The following DNAH9 variants were observed in gnomAD, a reference collection of about 807,000 sequenced individuals.
DNAH9 encodes DNAH9 variant protein.
Under a neutral mutation model 471.6 loss-of-function variants are expected in DNAH9, and 345 were observed. That is an observed-to-expected ratio of 0.73 (90% CI 0.67 to 0.80). The LOEUF is 0.80. DNAH9 is among the 30% of genes least tolerant of loss of function. DNAH9 has a pLI of 0.00. For missense variants in DNAH9, 5,407 were observed against 5,609.2 expected (o/e 0.96, Z 1.15); for synonymous variants, 2,093 against 2,123.6 (o/e 0.99, Z 0.40).
chr17:11,967,490 G>A (rs75914241), intron 68 of DNAH9, among the ~76,000 whole-genome samples: 2,395 of 152,188 alleles, frequency 0.016, 31 homozygotes, highest in South Asian at 0.063. Context: ...ATACACTAGC[G>A]TATATCTGGT....
intron 49 of DNAH9, among the ~76,000 whole-genome samples, chr17:11,851,871 G>A (rs937015793): frequency 4.6e-5 from 7 of 151,900 alleles, no homozygotes; most frequent in African/African-American, 1.5e-4. Context: ...AGGAGTTACT[G>A]TACGTGGAAA....
chr17:11,744,659 C>T, intron 30 of DNAH9, 138 bp from the exon 31 acceptor site: 1 of 721,034 alleles, frequency 1.4e-6, no homozygotes, highest in Non-Finnish European at 2.3e-6. Flanking sequence ...TCATCATTTT[C>T]TAAGTCATCC....
chr17:11,882,432 T>C (rs144273174), intron 55 of DNAH9, among the ~76,000 whole-genome samples: 1,958 of 152,288 alleles, frequency 0.013, 23 homozygotes, highest in Middle Eastern at 0.024. Context: ...TCTTTAAATG[T>C]GATTAGATTA....
chr17:11,687,991 A>G (rs1164450619), intron 19 of DNAH9, among the ~76,000 whole-genome samples: 1 of 142,226 alleles, frequency 7.0e-6, no homozygotes, highest in Non-Finnish European at 1.5e-5. Flanking sequence ...AAAATTAGCC[A>G]GTCTTGGTGG....
At chr17:11,636,551 A>C in intron 8 of DNAH9, 83 bp from the exon 9 acceptor site, 2 of 1,158,030 alleles carry the variant, frequency 1.7e-6, no homozygotes, top group East Asian at 4.7e-5. Context: ...CATATAAAGG[A>C]AAACCAGAAC....
In DNAH9 at chr17:11,822,930, A is replaced by G. The variant is rs143518417; in HGVS notation, c.9142A>G (p.Ile3048Val). Residue 3048 changes from isoleucine to valine, a missense_variant, in exon 48 of 69, where the codon ATC (isoleucine) becomes GTC (valine). This residue lies in a region of DNAH9 where 4,636 missense variants were observed against 4,900.3 expected (regional missense o/e 0.95). Transcript: ENST00000262442. ...AACTCCCAAGTCCTTTCTGGAGTTCATCAGACTCTACCAGAGCTTGTTGCA... is the reference window on the plus strand; with the variant it reads ...AACTCCCAAGTCCTTTCTGGAGTTCGTCAGACTCTACCAGAGCTTGTTGCA... Reference protein sequence around the residue: ...YTTPKSFLEFIRLYQSLLHRH... With the variant: ...YTTPKSFLEFVRLYQSLLHRH... 29 of 1,614,248 alleles carry G rather than the reference A, an allele frequency of 1.8e-5. No individual in the cohort carries two copies. In the African/African-American group the frequency reaches 2.5e-4, roughly 14 times the overall value.
chr17:11,874,783 A>G, intron 52 of DNAH9, 166 bp from the exon 53 acceptor site: 1 of 604,838 alleles, frequency 1.7e-6, no homozygotes, highest in Non-Finnish European at 2.9e-6. Flanking sequence ...CAGGACTTTA[A>G]TAGAACCTGC....
chr17:11,752,080 TAA>T (rs1332631218), intron 32 of DNAH9, among the ~76,000 whole-genome samples: 1 of 152,124 alleles, frequency 6.6e-6, no homozygotes, highest in Non-Finnish European at 1.5e-5. Flanking sequence ...ATTAGGGACA[TAA>T]AGCCATATGT....
intron 68 of DNAH9, among the ~76,000 whole-genome samples, chr17:11,963,012 C>A (rs1367665688): frequency 6.6e-6 from 1 of 152,052 alleles, no homozygotes; most frequent in Admixed American, 6.5e-5. Context: ...GTAGTGCCCC[C>A]AAAAATTCAT....
rs1972424210 is a variant in DNAH9 at position 11,875,096 on chromosome 17, C to G, written c.10390C>G (p.Leu3464Val). 2 of 1,614,006 alleles carry G rather than the reference C, an allele frequency of 1.2e-6. No individual in the cohort carries two copies. Among genetic ancestry groups the G allele is most frequent in the African/African-American group, 1.3e-5 (1 of 74,886 alleles). ...TCTCATCAACTGTGAGCGCTGGCCA[C>G]TCATGGTTGACCCTCAGCTACAAGG... ...TILINCERWP[L>V]MVDPQLQGIK... The change falls in exon 53 of 69, where the codon CTC becomes GTC. Residue 3464 changes from leucine to valine, a missense_variant. Transcript: ENST00000262442.
intron 49 of DNAH9, among the ~76,000 whole-genome samples, chr17:11,837,175 G>A (rs1027120685): frequency 7.2e-5 from 11 of 152,136 alleles, no homozygotes; most frequent in Non-Finnish European, 1.6e-4. Context: ...TGGTTAATTT[G>A]ATTAATTGAT....
At chr17:11,740,698 A>G (rs547434169) in intron 29 of DNAH9, among the ~76,000 whole-genome samples, 14 of 152,202 alleles carry the variant, frequency 9.2e-5, no homozygotes, top group Non-Finnish European at 1.5e-4. Flanking sequence ...AGGTAGTACT[A>G]GTTTCTCCAG....
intron 22 of DNAH9, among the ~76,000 whole-genome samples, chr17:11,694,896 C>CTTTCTTTCT (rs2074446487): frequency 9.4e-6 from 1 of 105,970 alleles, no homozygotes; most frequent in African/African-American, 4.4e-5. Context: ...TTCTTTCTTT[C>CTTTCTTTCT]TTTCTTTCTT....
chr17:11,867,170 T>C (rs559638909), intron 50 of DNAH9, among the ~76,000 whole-genome samples: 8 of 152,350 alleles, frequency 5.3e-5, no homozygotes, highest in South Asian at 2.1e-4. Context: ...TTGGCTCCTC[T>C]CCATTCTTTT....
chr17:11,881,674 C>T (rs1376700011), intron 55 of DNAH9, among the ~76,000 whole-genome samples: 1 of 151,992 alleles, frequency 6.6e-6, no homozygotes, highest in East Asian at 1.9e-4. Flanking sequence ...TTTGGGAGGC[C>T]AAGGTGGGCG....
Position 11,747,546 on chromosome 17 carries a change from G to A in DNAH9, c.6400-10G>A, listed in dbSNP as rs371491477. On this transcript the variant is annotated splice_polypyrimidine_tract_variant and intron_variant, in intron 31 of 68. Transcript: ENST00000262442. ...GCTGGTCCCTCTGGCTGAATTTCCT[G>A]CCTCCTCAGGTGGTCCAGCTGGAGG... 168 of 1,611,750 alleles carry A rather than the reference G, an allele frequency of 1.0e-4. No individual in the cohort carries two copies. Among genetic ancestry groups the A allele is most frequent in the Non-Finnish European group, 1.3e-4 (151 of 1,179,172 alleles).
chr17:11,920,741 GT>G (rs1394338484), intron 61 of DNAH9, among the ~76,000 whole-genome samples: 1 of 152,102 alleles, frequency 6.6e-6, no homozygotes, highest in Non-Finnish European at 1.5e-5. Context: ...CAGGAACCAA[GT>G]TCCAAAGCCC....
At chr17:11,843,888 T>TATATATATATAC (rs1188211391) in intron 49 of DNAH9, among the ~76,000 whole-genome samples, 37 of 133,086 alleles carry the variant, frequency 2.8e-4, no homozygotes, top group African/African-American at 9.9e-4. Context: ...TATATATATA[T>TATATATATATAC]ATACACATAG....
chr17:11,747,662 A>G lies in DNAH9; in HGVS notation c.6506A>G (p.Gln2169Arg). 2.5e-6 allele frequency: 4 copies of G among 1,614,168 alleles called. No individual in the cohort carries two copies. The highest frequency in any genetic ancestry group is 1.3e-5 in the African/African-American group (1 of 75,038). ...CTGAGGTCCTTGCACAAGACCTATC[A>G]GATCATGAAACGGCGCCCCGTCTGG... is the stretch of plus-strand genomic sequence containing the variant. ...QVLRSLHKTY[Q>R]IMKRRPVWTD... Residue 2169 changes from glutamine (Q) to arginine (R), a missense_variant, in exon 32 of 69, where the codon CAG (glutamine) becomes CGG (arginine). Around this residue, in one of 3 missense-constraint regions of DNAH9, gnomAD observed 4,636 missense variants for 4,900.3 expected, o/e 0.95. Coordinates refer to ENST00000262442, the MANE Select transcript of DNAH9 (RefSeq NM_001372.4).
Sources: allele counts gnomAD v4.1 joint callset (sites outside exome capture counted in the v4.1 genomes callset), GRCh38; gene constraint gnomAD v4.1.1; regional missense constraint gnomAD v4.1.1; transcripts MANE v1.5; gene names NCBI Gene and HGNC (gene_info 2026-07-23, HGNC 2026-07-21).